XXYLT1: variants seen among roughly 807,000 people sequenced by gnomAD.
XXYLT1 encodes the protein xyloside xylosyltransferase 1, also known as UDP-xylose:alpha-xyloside alpha-1,3-xylosyltransferase.
XXYLT1 carries 20 observed loss-of-function variants against 28.9 expected under a neutral mutation model. The observed-to-expected ratio is 0.69, with a 90% CI of 0.49 to 1.00. XXYLT1 has a LOEUF of 1.00. Ranked by LOEUF, XXYLT1 falls within the 50% of genes least tolerant of loss-of-function variation. XXYLT1 has a pLI of 0.00. For missense variants in XXYLT1, 542 were observed against 560.1 expected (o/e 0.97, Z 0.33); for synonymous variants, 257 against 253.8 (o/e 1.01, Z -0.12).
rs1289465644 is a variant in XXYLT1 at position 195,255,401 on chromosome 3, T to C, written c.504+15154A>G. ...GGCTGGGGACTCAGCTCCATCCAAG[T>C]GGGCTGAGCAGGGCCAGGCAATGGG... On this transcript the variant is annotated intron_variant, in intron 1 of 3. Transcript: ENST00000310380. The surrounding 1 kb of genome is among the most constrained non-coding windows in gnomAD (Gnocchi z 4.5). Among the ~76,000 whole-genome samples the C allele has an allele frequency of 6.6e-6, 1 of 151,984 alleles. No homozygotes were observed. The highest frequency in any genetic ancestry group is 1.9e-4 in the East Asian group (1 of 5,170).
intron 2 of XXYLT1, among the ~76,000 whole-genome samples, chr3:195,196,356 T>C (rs1222522854): frequency 6.6e-6 from 1 of 152,204 alleles, no homozygotes; most frequent in Non-Finnish European, 1.5e-5. Context: ...CCTAGCCCTG[T>C]GGCACTCACC....
At position 195,129,682 on chromosome 3, in the gene XXYLT1, ATT is replaced by A. The variant is rs1718806419; in HGVS notation, c.785+26765_785+26766del. Among the ~76,000 whole-genome samples the A allele has an allele frequency of 6.6e-6, 1 of 152,008 alleles. No individual in the cohort carries two copies. Among genetic ancestry groups the A allele is most frequent in the Non-Finnish European group, 1.5e-5 (1 of 68,004 alleles). ...ATGAATAATGCTGATATGAATGTTC[ATT>A]TGCATGTTAGTGTGCGGGCGTATGT... On this transcript the variant is annotated intron_variant, in intron 3 of 3. Transcript: ENST00000310380. The surrounding 1 kb of genome is among the most constrained non-coding windows in gnomAD (Gnocchi z 4.4).
At chr3:195,262,862 A>C (rs552962191) in intron 1 of XXYLT1, among the ~76,000 whole-genome samples, 1 of 152,370 alleles carries the variant, frequency 6.6e-6, no homozygotes, top group South Asian at 2.1e-4. Flanking sequence ...AAAGAATGCC[A>C]CTGTTAAATG....
intron 3 of XXYLT1, among the ~76,000 whole-genome samples, chr3:195,091,192 T>C (rs1161878536): frequency 1.5e-5 from 2 of 137,582 alleles, no homozygotes; most frequent in Admixed American, 1.4e-4. Context: ...CCAGCATCAT[T>C]CTGATACCAA....
intron 3 of XXYLT1, among the ~76,000 whole-genome samples, chr3:195,128,790 C>G (rs982710394): frequency 6.6e-6 from 1 of 152,176 alleles, no homozygotes; most frequent in African/African-American, 2.4e-5. Flanking sequence ...AATGTCTCCC[C>G]CCTTGTATAA....
intron 2 of XXYLT1, among the ~76,000 whole-genome samples, chr3:195,186,538 C>G (rs760892098): frequency 2.0e-5 from 3 of 152,110 alleles, no homozygotes; most frequent in Non-Finnish European, 2.9e-5. Context: ...CTTCTTCCTC[C>G]GTGTCTTGGC....
chr3:195,169,908 C>A (rs930058071), intron 2 of XXYLT1, among the ~76,000 whole-genome samples: 2 of 149,506 alleles, frequency 1.3e-5, no homozygotes, highest in African/African-American at 4.9e-5. Flanking sequence ...TCTTGTTGCC[C>A]AGCCCAGAGT....
rs1275892950 is a variant in XXYLT1 at position 195,087,806 on chromosome 3, C to T, written c.786-17695G>A. On this transcript the variant is annotated intron_variant, in intron 3 of 3. Coordinates refer to ENST00000310380, the MANE Select transcript of XXYLT1 (RefSeq NM_152531.5). ...TCACTAGGGAGTGCCAGACAGTGGG[C>T]GCAGGTCAGTGGGTGCGCGCACCGT... 4.6e-5 allele frequency among the ~76,000 whole-genome samples: 7 copies of T among 152,118 alleles called. No homozygotes were observed. In the South Asian group the frequency reaches 8.3e-4, roughly 18 times the overall value.
chr3:195,152,961 A>C (rs1305337694), intron 3 of XXYLT1, among the ~76,000 whole-genome samples: 1 of 152,192 alleles, frequency 6.6e-6, no homozygotes, highest in Non-Finnish European at 1.5e-5. Flanking sequence ...CTCTCTGGGG[A>C]GACCCCTTGG....
At chr3:195,101,813 A>G (rs1577026519) in intron 3 of XXYLT1, among the ~76,000 whole-genome samples, 1 of 128,432 alleles carries the variant, frequency 7.8e-6, no homozygotes, top group East Asian at 2.7e-4. Flanking sequence ...AAAAAAGGGG[A>G]GAGGGGAAGG....
At chr3:195,190,075 CA>C (rs1378841764) in intron 2 of XXYLT1, among the ~76,000 whole-genome samples, 1 of 148,238 alleles carries the variant, frequency 6.7e-6, no homozygotes, top group Non-Finnish European at 1.5e-5. Context: ...AAGCAAAAAG[CA>C]AAAAGAAAAC....
rs553981621 is a variant in XXYLT1, at chr3:195,256,130, C to T, written c.504+14425G>A. ...TGGCTTTGGAGGGACAAGAACAAACCGCCAAAATCAACAGGCATCGGGCAG... is the reference window on the plus strand; with the variant it reads ...TGGCTTTGGAGGGACAAGAACAAACTGCCAAAATCAACAGGCATCGGGCAG... On this transcript the variant is annotated intron_variant, in intron 1 of 3. Coordinates refer to ENST00000310380, the MANE Select transcript of XXYLT1 (RefSeq NM_152531.5). The surrounding 1 kb of genome is among the most constrained non-coding windows in gnomAD (Gnocchi z 4.2). 2.6e-4 allele frequency among the ~76,000 whole-genome samples: 39 copies of T among 152,188 alleles called. No individual in the cohort carries two copies. The highest frequency in any genetic ancestry group is 4.6e-4 in the Non-Finnish European group (31 of 68,032).
In XXYLT1 at chr3:195,255,372, G is replaced by A. The variant is rs1244028695; in HGVS notation, c.504+15183C>T. On this transcript the variant is annotated intron_variant, in intron 1 of 3. Coordinates refer to ENST00000310380, the MANE Select transcript of XXYLT1 (RefSeq NM_152531.5). This position sits in a 1 kb window ranked among gnomAD's most constrained non-coding sequence, Gnocchi z 4.5. ...CGAGCTCAGCCCCCAGCAGGACCCA[G>A]TCGGGCTGGGGACTCAGCTCCATCC... Among the ~76,000 whole-genome samples the A allele has an allele frequency of 6.6e-6, 1 of 152,194 alleles. No individual in the cohort carries two copies. Among genetic ancestry groups the A allele is most frequent in the Non-Finnish European group, 1.5e-5 (1 of 68,034 alleles).
chr3:195,120,914 C>T (rs1158749704), intron 3 of XXYLT1, among the ~76,000 whole-genome samples: 2 of 152,210 alleles, frequency 1.3e-5, no homozygotes, highest in African/African-American at 4.8e-5. Context: ...GGCTTACTCC[C>T]CCAAACCCTC....
At chr3:195,228,391 C>T (rs1724148226) in intron 1 of XXYLT1, among the ~76,000 whole-genome samples, 1 of 152,044 alleles carries the variant, frequency 6.6e-6, no homozygotes, top group Admixed American at 6.6e-5. Flanking sequence ...GTGCTGCCTG[C>T]ACTACCTGCA....
At chr3:195,156,691 T>C in intron 2 of XXYLT1, 110 bp from the exon 3 acceptor site, 3 of 1,393,832 alleles carry the variant, frequency 2.2e-6, no homozygotes, top group Non-Finnish European at 2.9e-6. Flanking sequence ...ACTCTTACTG[T>C]TGTCAGTGAA....
chr3:195,084,026 T>TC (rs1301005366), intron 3 of XXYLT1, among the ~76,000 whole-genome samples: 1 of 150,522 alleles, frequency 6.6e-6, no homozygotes, highest in East Asian at 1.9e-4. Context: ...AAAATCGGTC[T>TC]CAAAAAAAAA....
At chr3:195,212,349 C>T (rs1489917378) in intron 2 of XXYLT1, among the ~76,000 whole-genome samples, 1 of 152,220 alleles carries the variant, frequency 6.6e-6, no homozygotes, top group Non-Finnish European at 1.5e-5. Flanking sequence ...TGCCCACAGG[C>T]TCACAGAAAC....
At chr3:195,154,431 C>G (rs957423659) in intron 3 of XXYLT1, among the ~76,000 whole-genome samples, 3 of 151,992 alleles carry the variant, frequency 2.0e-5, no homozygotes, top group Non-Finnish European at 4.4e-5. Context: ...CAGAAACAAA[C>G]CATCTGGTAA....
Sources: allele counts gnomAD v4.1 joint callset (sites outside exome capture counted in the v4.1 genomes callset), GRCh38; gene constraint gnomAD v4.1.1; non-coding constraint Gnocchi (gnomAD v3.1); transcripts MANE v1.5; gene names NCBI Gene and HGNC (gene_info 2026-07-23, HGNC 2026-07-21).